The following DNAH2 variants were observed in gnomAD, a reference collection of about 807,000 sequenced individuals.
The protein encoded by DNAH2 is dynein axonemal heavy chain 2, also known as axonemal beta dynein heavy chain 2.
DNAH2 carries 323 observed loss-of-function variants against 523.5 expected under a neutral mutation model. The observed-to-expected ratio is 0.62, with a 90% CI of 0.56 to 0.68. The LOEUF is 0.68. DNAH2 is among the 30% of genes least tolerant of loss of function. The pLI is 0.00. For synonymous variants in DNAH2, 2,093 were observed against 2,177.4 expected (o/e 0.96, Z 1.08); for missense variants, 4,907 against 5,701.5 (o/e 0.86, Z 4.49).
At chr17:7,751,024 T>C (rs1432773276) in intron 12 of DNAH2, among the ~76,000 whole-genome samples, 1 of 152,234 alleles carries the variant, frequency 6.6e-6, no homozygotes, top group East Asian at 1.9e-4. Flanking sequence ...GCAAAGTTTC[T>C]TGAGCATATC....
At chr17:7,746,084 G>A (rs1255901344) in intron 12 of DNAH2, among the ~76,000 whole-genome samples, 3 of 152,200 alleles carry the variant, frequency 2.0e-5, no homozygotes, top group Non-Finnish European at 4.4e-5. Context: ...CAACCAAGAA[G>A]CATTCTTGCC....
chr17:7,731,537 A>G (rs1224649221), intron 4 of DNAH2, among the ~76,000 whole-genome samples: 1 of 152,066 alleles, frequency 6.6e-6, no homozygotes, highest in African/African-American at 2.4e-5. Context: ...TAATGATTTT[A>G]ATTTAATTTT....
At chr17:7,732,387 A>G (rs973227507) in intron 4 of DNAH2, among the ~76,000 whole-genome samples, 3 of 142,934 alleles carry the variant, frequency 2.1e-5, no homozygotes, top group Admixed American at 7.3e-5. Context: ...GTGAGCTGAG[A>G]TTGCACCATT....
chr17:7,731,913 T>C (rs1346908983), intron 4 of DNAH2, among the ~76,000 whole-genome samples: 4 of 151,332 alleles, frequency 2.6e-5, no homozygotes, highest in Non-Finnish European at 2.9e-5. Context: ...CTTGTAATCC[T>C]AGCTACTCGG....
At chr17:7,742,192 G>A (rs202074991) in intron 11 of DNAH2, among the ~76,000 whole-genome samples, 3 of 152,068 alleles carry the variant, frequency 2.0e-5, no homozygotes, top group Non-Finnish European at 4.4e-5. Flanking sequence ...CACTTTGGGA[G>A]GCCAAGGTGG....
At position 7,754,277 on chromosome 17, in the gene DNAH2, T is replaced by C. The variant is rs1337643858; in HGVS notation, c.1905-2814T>C. On this transcript the variant is annotated intron_variant, in intron 12 of 85. Transcript: ENST00000572933. The surrounding 1 kb of genome is among the most constrained non-coding windows in gnomAD (Gnocchi z 4.6). The stretch of plus-strand genomic sequence containing the variant: ...TAAATGATGGGAAGGAACTAGTAGA[T>C]TGAAGGTATAGGAGAGCTGGAAGAG... 9.9e-6 allele frequency: 3 copies of C among 302,632 alleles called. No individual in the cohort carries two copies. The highest frequency in any genetic ancestry group is 6.0e-5 in the East Asian group (1 of 16,786). 18.7% of individuals were successfully genotyped at this position (302,632 alleles called of 1,614,324 possible). A position where few individuals can be genotyped will look rare whatever the true frequency, so the allele number is the denominator to read the frequency against.
chr17:7,823,409 T>G, intron 73 of DNAH2, 33 bp from the exon 74 acceptor site: 2 of 1,591,564 alleles, frequency 1.3e-6, no homozygotes, highest in Non-Finnish European at 1.7e-6. Context: ...TATTCCCAAG[T>G]CAATCCCTTT....
Position 7,778,387 on chromosome 17 carries a change from TG to T in DNAH2, c.5462del (p.Gly1821AlafsTer73). ...ACCGTCAAGGACCTGGGCAAGGCCCTGGGCATATATGTCATTGTGGTCAACT... is the reference window on the plus strand; with the variant it reads ...ACCGTCAAGGACCTGGGCAAGGCCCTGGCATATATGTCATTGTGGTCAACT... ...TETVKDLGKA[L>X]GIYVIVVNCS... On this transcript the variant is annotated frameshift_variant, in exon 35 of 86. Coordinates refer to ENST00000572933, the MANE Select transcript of DNAH2 (RefSeq NM_020877.5). LOFTEE classifies it high-confidence loss of function. The T allele has an allele frequency of 6.2e-7, 1 of 1,614,214 alleles. No homozygotes were observed. Among genetic ancestry groups the T allele is most frequent in the Non-Finnish European group, 8.5e-7 (1 of 1,180,038 alleles).
Position 7,792,055 on chromosome 17 carries a change from T to TCCTTTC in DNAH2, c.7042_7047dup (p.Phe2348_Pro2349dup). ...CAGCTACCTCCGAGAGATCGAGGGC[T>TCCTTTC]CCTTTCCCAATAAGGTTGGGCGCAC... is the stretch of plus-strand genomic sequence containing the variant. On this transcript the variant is annotated inframe_insertion, in exon 45 of 86. Transcript: ENST00000572933. The TCCTTTC allele has an allele frequency of 6.2e-7, 1 of 1,613,088 alleles. No homozygotes were observed. The highest frequency in any genetic ancestry group is 8.5e-7 in the Non-Finnish European group (1 of 1,179,748).
chr17:7,733,878 A>T (rs2075064512), intron 5 of DNAH2, among the ~76,000 whole-genome samples: 1 of 152,088 alleles, frequency 6.6e-6, no homozygotes. Flanking sequence ...CATGTGGGGG[A>T]AAGGGAAATA....
rs1259237337 is a variant in DNAH2, at chr17:7,718,144, T to C, written c.-670T>C. The C allele has an allele frequency of 1.3e-5, 2 of 152,162 alleles. No homozygotes were observed. Among genetic ancestry groups the C allele is most frequent in the Non-Finnish European group, 2.9e-5 (2 of 68,040 alleles). The allele number at this position is 152,162 out of a possible 1,614,324, so 9.4% of individuals were successfully genotyped here. A position where few individuals can be genotyped will look rare whatever the true frequency, so the allele number is the denominator to read the frequency against. ...TGCTGGCCCCTGCGGTATTTCCTAG[T>C]ACTAGAGTGAGCCCCGACTTAGCAG... is the stretch of plus-strand genomic sequence containing the variant. On this transcript the variant is annotated 5_prime_UTR_variant, in exon 1 of 86. Coordinates refer to ENST00000572933, the MANE Select transcript of DNAH2 (RefSeq NM_020877.5).
In DNAH2 at chr17:7,775,310, C is replaced by T. The variant is rs1567678120; in HGVS notation, c.4789C>T (p.Leu1597Phe). 1 of 1,613,172 alleles carries T rather than the reference C, an allele frequency of 6.2e-7. No individual in the cohort carries two copies. Among genetic ancestry groups the T allele is most frequent in the Non-Finnish European group, 8.5e-7 (1 of 1,179,630 alleles). ...GGGCGACGGCGAGTACATTGACTTC[C>T]TCCACTCAGTATTTTTAGAAGGCCC... ...FSGDGEYIDF[L>F]HSVFLEGPVE... Residue 1597 changes from leucine (L) to phenylalanine (F), a missense_variant, in exon 30 of 86, where the codon CTC (leucine) becomes TTC (phenylalanine). Leu to Phe is a conservative substitution (Grantham distance 22, BLOSUM62 0). Around this residue, in one of 3 missense-constraint regions of DNAH2, gnomAD observed 2,806 missense variants for 3,190.8 expected, o/e 0.88. Coordinates refer to ENST00000572933, the MANE Select transcript of DNAH2 (RefSeq NM_020877.5).
chr17:7,723,158 G>C (rs1307628031), intron 2 of DNAH2, among the ~76,000 whole-genome samples: 3 of 150,826 alleles, frequency 2.0e-5, no homozygotes, highest in African/African-American at 7.3e-5. Flanking sequence ...TTTTAGTAGA[G>C]ACGGGGTTTC....
Position 7,727,209 on chromosome 17 carries a change from G to T in DNAH2, c.316G>T (p.Ala106Ser), listed in dbSNP as rs1310270392. 1 of 1,610,346 alleles carries T rather than the reference G, an allele frequency of 6.2e-7. No individual in the cohort carries two copies. The highest frequency in any genetic ancestry group is 1.7e-5 in the Admixed American group (1 of 59,034). ...GCATGATGCCATTCTGGAACACTTT[G>T]CCCAGGACCCTACAGAATCCATCCT... ...QEHDAILEHF[A>S]QDPTESILTI... The change falls in exon 4 of 86, where the codon GCC becomes TCC. Residue 106 changes from alanine to serine, a missense_variant. Around this residue, in one of 3 missense-constraint regions of DNAH2, gnomAD observed 2,806 missense variants for 3,190.8 expected, o/e 0.88. Coordinates refer to ENST00000572933, the MANE Select transcript of DNAH2 (RefSeq NM_020877.5).
chr17:7,761,027 C>T, intron 18 of DNAH2, 95 bp downstream of exon 18: 1 of 1,459,202 alleles, frequency 6.9e-7, no homozygotes, highest in Non-Finnish European at 9.3e-7. Flanking sequence ...GGTAGGGGAG[C>T]TGAGGATGAC....
rs1455851739 is a variant in DNAH2, at chr17:7,798,436, G to C, written c.8398+112G>C. 1 of 1,533,680 alleles carries C rather than the reference G, an allele frequency of 6.5e-7. No homozygotes were observed. Among genetic ancestry groups the C allele is most frequent in the African/African-American group, 1.4e-5 (1 of 73,702 alleles). On this transcript the variant is annotated intron_variant, in intron 54 of 85. Transcript: ENST00000572933. This position sits in a 1 kb window ranked among gnomAD's most constrained non-coding sequence, Gnocchi z 5.5. The stretch of plus-strand genomic sequence containing the variant: ...TGGGCAGACGTGTCTGGCCCGTGTT[G>C]GGTGTAGGATGGTGTCGCGTGTATG...
At chr17:7,748,822 T>A (rs914858435) in intron 12 of DNAH2, among the ~76,000 whole-genome samples, 2 of 151,234 alleles carry the variant, frequency 1.3e-5, no homozygotes, top group Non-Finnish European at 2.9e-5. Flanking sequence ...TTTTTTTTTT[T>A]AAAGAAAAAC....
Position 7,820,761 on chromosome 17 carries a change from T to G in DNAH2, c.11016-482T>G, listed in dbSNP as rs542833529. Among the ~76,000 whole-genome samples the G allele has an allele frequency of 5.9e-5, 9 of 152,286 alleles. No homozygotes were observed. In the East Asian group the frequency reaches 1.7e-3, roughly 29 times the overall value. Reference sequence around the variant, plus strand: ...GAATGACTAATTATGAGTGAATGGCTGGGCACGTTGGCTCACACCTGTAAT... The same window carrying G: ...GAATGACTAATTATGAGTGAATGGCGGGGCACGTTGGCTCACACCTGTAAT... On this transcript the variant is annotated intron_variant, in intron 72 of 85. Transcript: ENST00000572933.
intron 74 of DNAH2, 38 bp from the exon 75 acceptor site, chr17:7,823,796 T>C: frequency 6.2e-7 from 1 of 1,607,462 alleles, no homozygotes; most frequent in Non-Finnish European, 8.5e-7. Context: ...TCTTCCAGAC[T>C]CACTCCCTCT....
Sources: allele counts gnomAD v4.1 joint callset (sites outside exome capture counted in the v4.1 genomes callset), GRCh38; gene constraint gnomAD v4.1.1; regional missense constraint gnomAD v4.1.1; non-coding constraint Gnocchi (gnomAD v3.1); transcripts MANE v1.5; gene names NCBI Gene and HGNC (gene_info 2026-07-23, HGNC 2026-07-21).